Variants in ASPRV1 observed in about 807,000 individuals in gnomAD.
ASPRV1 encodes aspartic peptidase retroviral like 1.
Under a neutral mutation model 11.0 loss-of-function variants are expected in ASPRV1, and 7 were observed. The observed-to-expected ratio is 0.64, with a 90% CI of 0.36 to 1.20. The LOEUF is 1.20. Ranked by LOEUF, ASPRV1 falls within the 50% of genes most tolerant of loss-of-function variation. The pLI, the probability that ASPRV1 is intolerant of heterozygous loss-of-function variation, is 0.02. For synonymous variants in ASPRV1, 136 were observed against 138.4 expected, an observed-to-expected ratio of 0.98 and a Z score of 0.12; for missense variants, 299 against 320.0, an observed-to-expected ratio of 0.93 and a Z score of 0.50.
At chr2:70,030,950 A>C in the ASPRV1 span, 1 of 152,216 alleles carries the variant, frequency 6.6e-6, no homozygotes, top group Admixed American at 6.5e-5. Flanking sequence ...AGGTCAGTGA[A>C]GGAGAGACAT....
the ASPRV1 span, among the ~76,000 whole-genome samples, chr2:70,008,470 C>T: frequency 1.3e-5 from 2 of 150,574 alleles, no homozygotes; most frequent in Non-Finnish European, 2.9e-5. Flanking sequence ...CCAGGTCTGG[C>T]AGCAGAGGCA....
chr2:69,994,843 A>C, the ASPRV1 span, among the ~76,000 whole-genome samples: 3 of 147,556 alleles, frequency 2.0e-5, no homozygotes, highest in African/African-American at 7.4e-5. Flanking sequence ...TAAAAATACA[A>C]AAAAAAAAAT....
At chr2:69,942,646 G>A in the ASPRV1 span, 1 of 152,120 alleles carries the variant, frequency 6.6e-6, no homozygotes, top group Non-Finnish European at 1.5e-5. Context: ...CCTAGAATTG[G>A]TGCTCTTGGA....
At chr2:70,024,229 A>G in the ASPRV1 span, among the ~76,000 whole-genome samples, 1 of 152,262 alleles carries the variant, frequency 6.6e-6, no homozygotes, top group African/African-American at 2.4e-5. Flanking sequence ...AATAAAAATT[A>G]CCAAAATTGA....
chr2:69,979,529 A>C, the ASPRV1 span, among the ~76,000 whole-genome samples: 1 of 152,188 alleles, frequency 6.6e-6, no homozygotes, highest in African/African-American at 2.4e-5. Flanking sequence ...GAGGGGCAGG[A>C]CACAGAGGTG....
chr2:69,938,400 C>A, the ASPRV1 span: 3 of 1,054,376 alleles, frequency 2.8e-6, no homozygotes, highest in Non-Finnish European at 4.2e-6. Flanking sequence ...CCACCTTGAC[C>A]AAAATCAGCT....
the ASPRV1 span, among the ~76,000 whole-genome samples, chr2:69,932,954 T>G: frequency 6.6e-6 from 1 of 152,164 alleles, no homozygotes; most frequent in African/African-American, 2.4e-5. Flanking sequence ...ATCCCAGCAC[T>G]TTGGGAGGCT....
chr2:69,992,482 C>T, the ASPRV1 span, among the ~76,000 whole-genome samples: 1 of 152,362 alleles, frequency 6.6e-6, no homozygotes, highest in Admixed American at 6.5e-5. Flanking sequence ...TTCTCCTTGG[C>T]TGCTGCCCGC....
the ASPRV1 span, chr2:69,993,547 C>A: frequency 6.6e-6 from 1 of 152,200 alleles, no homozygotes; most frequent in African/African-American, 2.4e-5. Flanking sequence ...GTGAGAAGCA[C>A]GGCTGGCCCA....
the ASPRV1 span, among the ~76,000 whole-genome samples, chr2:69,969,955 C>T: frequency 2.0e-5 from 3 of 151,626 alleles, no homozygotes; most frequent in African/African-American, 7.3e-5. Context: ...TGGTCTCTAA[C>T]TCCTGGGCTC....
chr2:70,052,463 C>G, the ASPRV1 span, among the ~76,000 whole-genome samples: 72 of 152,044 alleles, frequency 4.7e-4, no homozygotes, highest in Admixed American at 1.0e-3. Flanking sequence ...GAGAGTAGAC[C>G]AACATCTAAC....
At chr2:69,932,896 T>A in the ASPRV1 span, among the ~76,000 whole-genome samples, 4 of 152,190 alleles carry the variant, frequency 2.6e-5, no homozygotes, top group Non-Finnish European at 5.9e-5. Flanking sequence ...AATATAATTT[T>A]AATTTTTGAA....
downstream of ASPRV1, among the ~76,000 whole-genome samples, chr2:69,955,094 A>C (rs552865281): frequency 7.2e-5 from 11 of 152,240 alleles, no homozygotes; most frequent in African/African-American, 2.6e-4. Flanking sequence ...TCCTTACCCG[A>C]GGTTACTTGG....
the ASPRV1 span, among the ~76,000 whole-genome samples, chr2:69,936,557 G>A: frequency 5.2e-3 from 799 of 152,284 alleles, 8 homozygotes; most frequent in African/African-American, 0.019. Context: ...CTGCATTCAT[G>A]ACAATTCTGG....
chr2:69,972,338 G>C, the ASPRV1 span, among the ~76,000 whole-genome samples: 2 of 146,970 alleles, frequency 1.4e-5, no homozygotes, highest in African/African-American at 5.0e-5. Context: ...TGGGATTACA[G>C]ATGTGAGCCA....
chr2:69,948,590 G>T, the ASPRV1 span, among the ~76,000 whole-genome samples: 1 of 152,188 alleles, frequency 6.6e-6, no homozygotes, highest in Non-Finnish European at 1.5e-5. Context: ...GGCTGGGAAG[G>T]CTTGCAGCCA....
At chr2:70,043,959 G>A in the ASPRV1 span, among the ~76,000 whole-genome samples, 12 of 152,080 alleles carry the variant, frequency 7.9e-5, no homozygotes, top group Admixed American at 5.9e-4. Context: ...ACAAAACTGT[G>A]AAGGAAACCA....
At chr2:70,058,407 T>C in the ASPRV1 span, among the ~76,000 whole-genome samples, 1 of 151,990 alleles carries the variant, frequency 6.6e-6, no homozygotes, top group Non-Finnish European at 1.5e-5. Flanking sequence ...TGCACTCAGT[T>C]AATTTTTGTA....
the ASPRV1 span, among the ~76,000 whole-genome samples, chr2:70,074,156 A>C: frequency 1.3e-5 from 2 of 150,496 alleles, no homozygotes; most frequent in Non-Finnish European, 3.0e-5. Context: ...AAAAAAAAAA[A>C]AAAACAGAAA....
Sources: allele counts gnomAD v4.1 joint callset (sites outside exome capture counted in the v4.1 genomes callset), GRCh38; gene constraint gnomAD v4.1.1; transcripts MANE v1.5; gene names NCBI Gene and HGNC (gene_info 2026-07-23, HGNC 2026-07-21).